ATP13A5: variants seen among roughly 807,000 people sequenced by gnomAD.
ATP13A5 encodes the protein ATPase 13A5, also known as probable cation-transporting ATPase 13A5.
ATP13A5 carries 149 observed loss-of-function variants against 150.2 expected under a neutral mutation model. The observed-to-expected ratio is 0.99, with a 90% CI of 0.87 to 1.14. ATP13A5 has a LOEUF of 1.14. ATP13A5 is among the 50% of genes most tolerant of loss of function. The pLI, the probability that ATP13A5 is intolerant of heterozygous loss-of-function variation, is 0.00. For synonymous variants in ATP13A5, 497 were observed against 522.2 expected, an observed-to-expected ratio of 0.95 and a Z score of 0.66; for missense variants, 1,383 against 1,449.3, an observed-to-expected ratio of 0.95 and a Z score of 0.74.
chr3:193,311,839 G>T lies in ATP13A5; in HGVS notation c.2422C>A (p.His808Asn), dbSNP rs370945513. The T allele has an allele frequency of 1.1e-5, 18 of 1,613,756 alleles. No individual in the cohort carries two copies. The highest frequency in any genetic ancestry group is 1.4e-5 in the Non-Finnish European group (17 of 1,179,874). The stretch of plus-strand genomic sequence containing the variant: ...ACTTTTGGAAGCAAGCTGTTGAAAT[G>T]CTGAAATATCACTTGGTATGATTTC... The part of the protein sequence containing the change: ...SGKSYQVIFQ[H>N]FNSLLPKILV... Residue 808 changes from histidine (H) to asparagine (N), a missense_variant, in exon 20 of 30, where the codon CAT becomes AAT. Physicochemically the swap from His to Asn is moderately conservative, Grantham distance 68 (BLOSUM62 1). Around this residue, in one of 3 missense-constraint regions of ATP13A5, gnomAD observed 568 missense variants for 621.5 expected, o/e 0.91. Transcript: ENST00000342358.
rs144890796 is a variant in ATP13A5 at position 193,322,506 on chromosome 3, T to C, written c.1743A>G (p.Gly581=). ...GAAATCATACCTTACTGGCTTTTGGTCCTGGTTTTATGATGTTTGAAACTG... is the reference window on the plus strand; with the variant it reads ...GAAATCATACCTTACTGGCTTTTGGCCCTGGTTTTATGATGTTTGAAACTG... ...GTSVSNIIKP[G]PKASKSPVEA... The change falls in exon 15 of 30, where the codon GGA becomes GGG. Residue 581 remains glycine, a synonymous_variant. Coordinates refer to ENST00000342358, the MANE Select transcript of ATP13A5 (RefSeq NM_198505.4). The C allele has an allele frequency of 6.6e-5, 107 of 1,613,508 alleles. No individual in the cohort carries two copies. The African/African-American group carries it at 9.6e-4, about 14-fold the overall frequency.
chr3:193,343,271 A>C (rs1431660535), intron 9 of ATP13A5, among the ~76,000 whole-genome samples: 1 of 152,186 alleles, frequency 6.6e-6, no homozygotes, highest in African/African-American at 2.4e-5. Flanking sequence ...TTTTTGCCTA[A>C]AGAATATTTT....
At chr3:193,366,195 A>G (rs546548983) in intron 1 of ATP13A5, among the ~76,000 whole-genome samples, 1 of 152,170 alleles carries the variant, frequency 6.6e-6, no homozygotes, top group African/African-American at 2.4e-5. Context: ...AAAAGAACAA[A>G]GAACAAGTAG....
rs562355545 is a variant in ATP13A5 at position 193,362,580 on chromosome 3, A to G, written c.442T>C (p.Phe148Leu). 1.2e-6 allele frequency: 2 copies of G among 1,614,134 alleles called. No homozygotes were observed. Among genetic ancestry groups the G allele is most frequent in the East Asian group, 4.5e-5 (2 of 44,872 alleles). Residue 148 changes from phenylalanine to leucine, a missense_variant, in exon 4 of 30, where the codon TTT becomes CTT. By Grantham distance (22) the Phe-to-Leu change is conservative. Coordinates refer to ENST00000342358, the MANE Select transcript of ATP13A5 (RefSeq NM_198505.4). Reference sequence around the variant, plus strand: ...CATTGTACTTACCCAACTTTCTGAAACCGCTTCTCCAGGTCGTTCCAAACA... The same window carrying G: ...CATTGTACTTACCCAACTTTCTGAAGCCGCTTCTCCAGGTCGTTCCAAACA... ...RYVWNDLEKR[F>L]QKVGLLEDSN...
chr3:193,348,947 C>T (rs1296815053), intron 7 of ATP13A5, among the ~76,000 whole-genome samples: 1 of 152,106 alleles, frequency 6.6e-6, no homozygotes, highest in Non-Finnish European at 1.5e-5. Context: ...TAAGTCCCTT[C>T]ACCTCCTGGA....
chr3:193,281,036 T>C (rs1298942830), intron 27 of ATP13A5: 1 of 191,926 alleles, frequency 5.2e-6, no homozygotes. Context: ...TCACTTTATG[T>C]ATATAAATAA....
intron 25 of ATP13A5, among the ~76,000 whole-genome samples, chr3:193,295,185 A>G (rs145053176): frequency 9.8e-4 from 149 of 152,108 alleles, no homozygotes; most frequent in African/African-American, 3.4e-3. Flanking sequence ...CACTTTTTCA[A>G]TTTTTCAATA....
At chr3:193,321,628 C>G in intron 16 of ATP13A5, 53 bp downstream of exon 16, 1 of 1,589,332 alleles carries the variant, frequency 6.3e-7, no homozygotes, top group African/African-American at 1.3e-5. Flanking sequence ...AAGATTCTGT[C>G]TCAAAGAAAA....
rs1483059620 is a variant in ATP13A5 at position 193,294,851 on chromosome 3, A to G, written c.2848+4280T>C. 2.6e-5 allele frequency among the ~76,000 whole-genome samples: 4 copies of G among 152,156 alleles called. 1 individual carries two copies. The highest frequency in any genetic ancestry group is 5.9e-5 in the Non-Finnish European group (4 of 68,000). ...AGCTCAAACATGCTCACAACGCTTA[A>G]GTAGGCTACAATTGAACAAAATCAT... On this transcript the variant is annotated intron_variant, in intron 25 of 29. Transcript: ENST00000342358.
intron 7 of ATP13A5, among the ~76,000 whole-genome samples, 182 bp from the exon 8 acceptor site, chr3:193,345,257 C>T (rs1016643071): frequency 2.6e-5 from 4 of 152,144 alleles, no homozygotes; most frequent in African/African-American, 9.7e-5. Flanking sequence ...CCCCTATGTG[C>T]AGCAGCAAAT....
At chr3:193,306,987 A>G (rs1402911182) in intron 22 of ATP13A5, 1 of 515,262 alleles carries the variant, frequency 1.9e-6, no homozygotes. Flanking sequence ...GGAGGGGGGA[A>G]GAAATCACCT....
intron 15 of ATP13A5, among the ~76,000 whole-genome samples, 179 bp from the exon 16 acceptor site, chr3:193,322,016 T>C (rs1719299480): frequency 6.6e-6 from 1 of 152,128 alleles, no homozygotes; most frequent in South Asian, 2.1e-4. Flanking sequence ...CCTCAACAAG[T>C]TGTCTGGACT....
rs188786114 is a variant in ATP13A5 at position 193,353,897 on chromosome 3, C to T, written c.606+230G>A. ...CACCACCACCACCAAAACCACCATC[C>T]AAACTAAAGAGAACAAAACAAAACA... On this transcript the variant is annotated intron_variant, in intron 6 of 29. Coordinates refer to ENST00000342358, the MANE Select transcript of ATP13A5 (RefSeq NM_198505.4). 8.7e-5 allele frequency among the ~76,000 whole-genome samples: 11 copies of T among 126,692 alleles called. No homozygotes were observed. In the East Asian group the frequency reaches 2.4e-3, roughly 27 times the overall value. 83.1% of individuals were successfully genotyped at this position (126,692 alleles called of 152,430 possible). A position where few individuals can be genotyped will look rare whatever the true frequency, so the allele number is the denominator to read the frequency against.
chr3:193,368,038 A>G (rs946823675), intron 1 of ATP13A5, among the ~76,000 whole-genome samples: 1 of 152,040 alleles, frequency 6.6e-6, no homozygotes, highest in African/African-American at 2.4e-5. Context: ...ACAATTGAAA[A>G]CAAGAACTAA....
intron 16 of ATP13A5, among the ~76,000 whole-genome samples, chr3:193,320,814 C>T (rs151063466): frequency 6.3e-4 from 96 of 152,312 alleles, no homozygotes; most frequent in Non-Finnish European, 3.2e-4. Context: ...ATACATCTGG[C>T]TGCCGCTTAA....
chr3:193,350,068 A>T (rs1012383775), intron 7 of ATP13A5, among the ~76,000 whole-genome samples: 1 of 152,106 alleles, frequency 6.6e-6, no homozygotes, highest in South Asian at 2.1e-4. Flanking sequence ...GTATTATTTT[A>T]AAAACATGAA....
At position 193,324,954 on chromosome 3, in the gene ATP13A5, C is replaced by G. The variant is rs547943821; in HGVS notation, c.1584G>C (p.Ala528=). ...TCAGAGAGTGGCAGCTGGCCATGGC[C>G]GCACACAGTGGGCTCCATGGCACAG... is the stretch of plus-strand genomic sequence containing the variant. ...GQAVPWSPLC[A]AMASCHSLIL... The change falls in exon 14 of 30, where the codon GCG becomes GCC. Residue 528 remains alanine (A), a synonymous_variant. Coordinates refer to ENST00000342358, the MANE Select transcript of ATP13A5 (RefSeq NM_198505.4). The G allele has an allele frequency of 6.2e-7, 1 of 1,613,896 alleles. No individual in the cohort carries two copies.
At chr3:193,276,671 C>A in intron 29 of ATP13A5, 79 bp downstream of exon 29, 1 of 994,722 alleles carries the variant, frequency 1.0e-6, no homozygotes, top group Non-Finnish European at 1.5e-6. Flanking sequence ...AAAGTGGTTG[C>A]TCTAGAAAAT....
chr3:193,357,370 T>A (rs1195276589), intron 5 of ATP13A5, among the ~76,000 whole-genome samples: 1 of 152,182 alleles, frequency 6.6e-6, no homozygotes, highest in African/African-American at 2.4e-5. Flanking sequence ...TAGATCATCC[T>A]CTTTACGGTT....
Sources: gnomAD v4.1 joint callset for allele counts (sites outside exome capture counted in the v4.1 genomes callset) on GRCh38, gnomAD v4.1.1 for gene constraint, gnomAD v4.1.1 regional missense constraint, MANE v1.5 for transcripts, NCBI Gene and HGNC (gene_info 2026-07-23, HGNC 2026-07-21) for gene names.